ADGRL2: variants seen among roughly 807,000 people sequenced by gnomAD.
ADGRL2 encodes calcium-independent alpha-latrotoxin receptor 2.
Under a neutral mutation model 157.4 loss-of-function variants are expected in ADGRL2, and 44 were observed. The observed-to-expected ratio is 0.28, with a 90% CI of 0.22 to 0.36. The LOEUF (loss-of-function observed/expected upper bound fraction) is 0.36, where lower values mean the gene tolerates loss of function less well. Among genes scored for constraint, ADGRL2 ranks in the 10% least tolerant of loss-of-function variants. The pLI is 1.00. For missense variants in ADGRL2, 1,510 were observed against 1,768.9 expected, an observed-to-expected ratio of 0.85 and a Z score of 2.63; for synonymous variants, 585 against 624.7, an observed-to-expected ratio of 0.94 and a Z score of 0.95.
At chr1:81,772,524 T>A (rs562343614) in intron 2 of ADGRL2, among the ~76,000 whole-genome samples, 1 of 151,428 alleles carries the variant, frequency 6.6e-6, no homozygotes, top group African/African-American at 2.4e-5. Context: ...AGGTCAGGAG[T>A]TCGAGACCAG....
chr1:81,318,554 A>T (rs1283902869), intron 1 of ADGRL2, among the ~76,000 whole-genome samples: 1 of 152,192 alleles, frequency 6.6e-6, no homozygotes, highest in Non-Finnish European at 1.5e-5. Flanking sequence ...GCCTATAGGC[A>T]CATAAAGTAG....
intron 2 of ADGRL2, among the ~76,000 whole-genome samples, chr1:81,458,550 T>C (rs1382175070): frequency 6.6e-6 from 1 of 152,178 alleles, no homozygotes; most frequent in Non-Finnish European, 1.5e-5. Context: ...TCCTCTGGAC[T>C]CACACCATCC....
chr1:81,647,120 A>G (rs943622287), intron 3 of ADGRL2, among the ~76,000 whole-genome samples: 4 of 152,228 alleles, frequency 2.6e-5, no homozygotes, highest in Non-Finnish European at 4.4e-5. Flanking sequence ...GTAGCAAAAA[A>G]AATTCAAACA....
At chr1:81,794,416 C>T (rs1285422757) in intron 2 of ADGRL2, among the ~76,000 whole-genome samples, 2 of 152,106 alleles carry the variant, frequency 1.3e-5, no homozygotes, top group Non-Finnish European at 2.9e-5. Context: ...AACACATTTC[C>T]ATCACTAAAA....
At chr1:81,940,283 G>A (rs555245046) in intron 4 of ADGRL2, among the ~76,000 whole-genome samples, 3 of 151,402 alleles carry the variant, frequency 2.0e-5, no homozygotes, top group African/African-American at 7.3e-5. Flanking sequence ...ATAAATTGTA[G>A]TTTGAGTAGT....
At chr1:81,511,098 T>A in intron 2 of ADGRL2, among the ~76,000 whole-genome samples, 1 of 152,228 alleles carries the variant, frequency 6.6e-6, no homozygotes, top group South Asian at 2.1e-4. Context: ...AATTACTACC[T>A]CTCAAAGTAA....
chr1:81,501,219 C>G (rs1171923238), intron 2 of ADGRL2, among the ~76,000 whole-genome samples: 2 of 152,240 alleles, frequency 1.3e-5, no homozygotes, highest in African/African-American at 2.4e-5. Flanking sequence ...AAAACTTACT[C>G]TGTTCACCTT....
At chr1:81,503,508 G>A in intron 2 of ADGRL2, 1 of 1,595,276 alleles carries the variant, frequency 6.3e-7, no homozygotes, top group Non-Finnish European at 8.6e-7. Flanking sequence ...CTCTCCAGTC[G>A]AGAGTGAAGG....
chr1:81,848,510 C>A (rs973128312), intron 2 of ADGRL2, among the ~76,000 whole-genome samples: 2 of 151,892 alleles, frequency 1.3e-5, no homozygotes, highest in Non-Finnish European at 2.9e-5. Context: ...ATTTTCCTAT[C>A]TCAGCAGGCT....
chr1:81,717,150 C>T (rs1001778863), intron 1 of ADGRL2, among the ~76,000 whole-genome samples: 1 of 152,178 alleles, frequency 6.6e-6, no homozygotes, highest in Admixed American at 6.6e-5. Context: ...ATCAGGACTT[C>T]CCAAAGCAAA....
intron 6 of ADGRL2, among the ~76,000 whole-genome samples, chr1:81,944,379 T>C (rs942695922): frequency 6.6e-5 from 10 of 152,216 alleles, no homozygotes; most frequent in Non-Finnish European, 1.3e-4. Context: ...AGTGATGACT[T>C]GTGATGACAG....
At chr1:81,356,854 G>C (rs1476423041) in intron 1 of ADGRL2, among the ~76,000 whole-genome samples, 13 of 149,912 alleles carry the variant, frequency 8.7e-5, no homozygotes, top group Admixed American at 6.7e-4. Flanking sequence ...TCGGGAGGCT[G>C]AGGCAGGAGA....
At chr1:81,722,570 A>G (rs1346865417) in intron 1 of ADGRL2, 1 of 1,489,846 alleles carries the variant, frequency 6.7e-7, no homozygotes, top group Non-Finnish European at 9.2e-7. Context: ...GGGAAAGCAC[A>G]CAGACGCCTA....
chr1:81,908,236 A>G (rs371628008), intron 3 of ADGRL2, among the ~76,000 whole-genome samples: 47 of 152,154 alleles, frequency 3.1e-4, no homozygotes, highest in African/African-American at 1.1e-3. Context: ...ATAGGCTGAC[A>G]ATGCATATCC....
intron 1 of ADGRL2, among the ~76,000 whole-genome samples, chr1:81,326,801 T>G (rs1387332911): frequency 1.3e-5 from 2 of 152,228 alleles, no homozygotes; most frequent in African/African-American, 4.8e-5. Flanking sequence ...CTATTTAGAC[T>G]TTCAGACCAT....
intron 2 of ADGRL2, among the ~76,000 whole-genome samples, chr1:81,522,792 G>A (rs74422919): frequency 0.033 from 5,043 of 152,078 alleles, 133 homozygotes; most frequent in African/African-American, 0.07. Flanking sequence ...TAATTTTTGC[G>A]TGCTTGATTG....
At chr1:81,935,309 T>TA (rs1253498994) in intron 3 of ADGRL2, among the ~76,000 whole-genome samples, 9 of 152,078 alleles carry the variant, frequency 5.9e-5, no homozygotes, top group East Asian at 1.9e-4. Flanking sequence ...GGTATATTTC[T>TA]AAAAAAACAC....
intron 2 of ADGRL2, among the ~76,000 whole-genome samples, chr1:81,792,363 T>G (rs1046028060): frequency 6.6e-6 from 1 of 152,186 alleles, no homozygotes; most frequent in Non-Finnish European, 1.5e-5. Context: ...CAAGTCACAC[T>G]GGTGATGTCA....
At chr1:81,697,208 A>G (rs1361132954), upstream of ADGRL2, among the ~76,000 whole-genome samples, 3 of 152,058 alleles carry the variant, frequency 2.0e-5, no homozygotes, top group African/African-American at 4.8e-5. Context: ...TCAACCATGA[A>G]AATTTTTGAA....
Sources: gnomAD v4.1 joint callset for allele counts (sites outside exome capture counted in the v4.1 genomes callset) on GRCh38, gnomAD v4.1.1 for gene constraint, MANE v1.5 for transcripts, NCBI Gene and HGNC (gene_info 2026-07-23, HGNC 2026-07-21) for gene names.